ADGRG7: variants seen among roughly 807,000 people sequenced by gnomAD.
The protein encoded by ADGRG7 is adhesion G protein-coupled receptor G7.
ADGRG7 carries 82 observed loss-of-function variants against 88.6 expected under a neutral mutation model. That is an observed-to-expected ratio of 0.93 (90% CI 0.77 to 1.11). The LOEUF is 1.11. ADGRG7 is among the 50% of genes most tolerant of loss of function. ADGRG7 has a pLI of 0.00. For synonymous variants in ADGRG7, 381 were observed against 345.2 expected, an observed-to-expected ratio of 1.10 and a Z score of -1.15; for missense variants, 945 against 953.4, an observed-to-expected ratio of 0.99 and a Z score of 0.12.
At chr3:100,645,552 A>G (rs183582431) in intron 8 of ADGRG7, among the ~76,000 whole-genome samples, 18 of 152,224 alleles carry the variant, frequency 1.2e-4, no homozygotes, top group African/African-American at 4.3e-4. Context: ...CCTGTCTCAT[A>G]TTTTATCATT....
At chr3:100,616,550 T>A (rs1707227114) in intron 1 of ADGRG7, among the ~76,000 whole-genome samples, 1 of 152,244 alleles carries the variant, frequency 6.6e-6, no homozygotes, top group Non-Finnish European at 1.5e-5. Context: ...TGGTGATTCA[T>A]GCCTGTATTC....
At position 100,655,105 on chromosome 3, in the gene ADGRG7, G is replaced by A. The variant is rs1228366567; in HGVS notation, c.1650G>A (p.Gln550=). Residue 550 remains glutamine (Q), a synonymous_variant, in exon 12 of 16, where the codon CAG becomes CAA. Transcript: ENST00000273352. The part of the protein sequence containing the change: ...TFTWNALSAA[Q]LYYLLIRTMK... Reference sequence around the variant, plus strand: ...CCTGGAACGCACTCAGCGCTGCACAGCTCTATTACCTTCTAATAAGGACCA... The same window carrying A: ...CCTGGAACGCACTCAGCGCTGCACAACTCTATTACCTTCTAATAAGGACCA... 8.7e-6 allele frequency: 14 copies of A among 1,613,978 alleles called. No individual in the cohort carries two copies. The highest frequency in any genetic ancestry group is 1.1e-5 in the Non-Finnish European group (13 of 1,179,988).
intron 4 of ADGRG7, among the ~76,000 whole-genome samples, chr3:100,634,452 G>A (rs1014269062): frequency 6.6e-6 from 1 of 152,114 alleles, no homozygotes; most frequent in African/African-American, 2.4e-5. Flanking sequence ...CCATAAATAG[G>A]TATTAATGTA....
rs200512486 is a variant in ADGRG7 at position 100,685,469 on chromosome 3, C to A, written c.2137-9275C>A. Among the ~76,000 whole-genome samples the A allele has an allele frequency of 3.9e-5, 6 of 152,130 alleles. No homozygotes were observed. In the East Asian group the frequency reaches 1.2e-3, roughly 29 times the overall value. The stretch of plus-strand genomic sequence containing the variant: ...ATACATGTGCCATGTTGGTGTGCTG[C>A]ACCCATTAAGTCGTCATTTAGCATT... On this transcript the variant is annotated intron_variant, in intron 15 of 15. Coordinates refer to ENST00000273352, the MANE Select transcript of ADGRG7 (RefSeq NM_032787.3).
At chr3:100,622,864 C>T (rs574730885) in intron 1 of ADGRG7, among the ~76,000 whole-genome samples, 1 of 152,018 alleles carries the variant, frequency 6.6e-6, no homozygotes, top group South Asian at 2.1e-4. Flanking sequence ...CAGGTTCAAG[C>T]CATCCTCCTG....
chr3:100,637,648 T>C, intron 6 of ADGRG7: 1 of 427,666 alleles, frequency 2.3e-6, no homozygotes, highest in Middle Eastern at 6.5e-4. Flanking sequence ...TGGGCTGATT[T>C]AGATTAGAAC....
chr3:100,635,424 G>A, intron 4 of ADGRG7: 1 of 538,060 alleles, frequency 1.9e-6, no homozygotes, highest in Non-Finnish European at 2.8e-6. Context: ...ATACACTCTA[G>A]TAGCCCCAAT....
chr3:100,665,532 G>A (rs371877288), intron 14 of ADGRG7: 4 of 440,128 alleles, frequency 9.1e-6, no homozygotes, highest in Admixed American at 2.7e-5. Flanking sequence ...TTTCTAGTGG[G>A]ACTATATCTT....
chr3:100,635,318 A>G (rs760203080), intron 4 of ADGRG7, among the ~76,000 whole-genome samples: 7 of 152,250 alleles, frequency 4.6e-5, no homozygotes, highest in African/African-American at 1.7e-4. Flanking sequence ...CAACAGCAAA[A>G]AATTGCTATA....
At chr3:100,650,533 A>G (rs558268309) in intron 11 of ADGRG7, among the ~76,000 whole-genome samples, 1 of 152,234 alleles carries the variant, frequency 6.6e-6, no homozygotes, top group African/African-American at 2.4e-5. Context: ...AATGTTCCAC[A>G]ATGAAGATTT....
At chr3:100,691,630 G>A (rs2094993957) in intron 15 of ADGRG7, among the ~76,000 whole-genome samples, 1 of 147,260 alleles carries the variant, frequency 6.8e-6, no homozygotes, top group South Asian at 2.2e-4. Flanking sequence ...CTGTTCCCAT[G>A]ATCATATCTT....
At chr3:100,684,724 G>GT (rs1398971473) in intron 15 of ADGRG7, among the ~76,000 whole-genome samples, 3 of 151,424 alleles carry the variant, frequency 2.0e-5, no homozygotes, top group Middle Eastern at 3.4e-3. Flanking sequence ...TATAAATTAT[G>GT]TTTTTTAGTA....
chr3:100,686,021 T>A (rs1157864664), intron 15 of ADGRG7, among the ~76,000 whole-genome samples: 7 of 151,238 alleles, frequency 4.6e-5, no homozygotes, highest in East Asian at 1.9e-4. Context: ...TTTCTCCACA[T>A]CCTCTCCAGC....
chr3:100,665,669 G>A (rs1052704835), intron 14 of ADGRG7, among the ~76,000 whole-genome samples: 16 of 152,330 alleles, frequency 1.1e-4, no homozygotes, highest in Middle Eastern at 3.4e-3. Context: ...CTGAACATAA[G>A]TGGTGAGAGT....
At chr3:100,687,242 G>T (rs955530400) in intron 15 of ADGRG7, among the ~76,000 whole-genome samples, 1 of 152,334 alleles carries the variant, frequency 6.6e-6, no homozygotes, top group African/African-American at 2.4e-5. Context: ...CTGAGACTTT[G>T]TTGAAGTTGC....
At chr3:100,694,692 T>G in intron 15 of ADGRG7, 52 bp from the exon 16 acceptor site, 1 of 1,550,590 alleles carries the variant, frequency 6.4e-7, no homozygotes, top group South Asian at 1.2e-5. Context: ...ATGTCTTCCT[T>G]GATACTGTAT....
chr3:100,657,433 G>C (rs2094939205), intron 13 of ADGRG7, among the ~76,000 whole-genome samples: 1 of 152,192 alleles, frequency 6.6e-6, no homozygotes, highest in Non-Finnish European at 1.5e-5. Context: ...GTACTGCTGT[G>C]TCTGCATAGA....
intron 1 of ADGRG7, among the ~76,000 whole-genome samples, chr3:100,616,270 G>T (rs1707223720): frequency 6.6e-6 from 1 of 152,104 alleles, no homozygotes; most frequent in African/African-American, 2.4e-5. Context: ...GAACCATGAT[G>T]CTGGAGAGAC....
chr3:100,647,499 A>C (rs1036185766), intron 10 of ADGRG7, among the ~76,000 whole-genome samples: 1 of 151,730 alleles, frequency 6.6e-6, no homozygotes, highest in African/African-American at 2.4e-5. Context: ...TAAAAGAAAA[A>C]CTCTGTAATC....
Sources: allele counts gnomAD v4.1 joint callset (sites outside exome capture counted in the v4.1 genomes callset), GRCh38; gene constraint gnomAD v4.1.1; transcripts MANE v1.5; gene names NCBI Gene and HGNC (gene_info 2026-07-23, HGNC 2026-07-21).